The following CHSY3 variants were observed in gnomAD, a reference collection of about 807,000 sequenced individuals.
The protein encoded by CHSY3 is chondroitin sulfate synthase 3.
Under a neutral mutation model 67.2 loss-of-function variants are expected in CHSY3, and 35 were observed. The observed-to-expected ratio is 0.52, with a 90% CI of 0.40 to 0.69. The LOEUF (loss-of-function observed/expected upper bound fraction) is 0.69, where lower values mean the gene tolerates loss of function less well. Among genes scored for constraint, CHSY3 ranks in the 30% least tolerant of loss-of-function variants. The pLI, the probability that CHSY3 is intolerant of heterozygous loss-of-function variation, is 0.00. For missense variants in CHSY3, 1,069 were observed against 1,138.5 expected (o/e 0.94, Z 0.88); for synonymous variants, 474 against 434.7 (o/e 1.09, Z -1.12).
chr5:129,993,451 T>C (rs1179580877), intron 2 of CHSY3, among the ~76,000 whole-genome samples: 1 of 152,188 alleles, frequency 6.6e-6, no homozygotes, highest in Non-Finnish European at 1.5e-5. Flanking sequence ...TTGATCCCTT[T>C]ACCATTATGT....
chr5:129,953,903 C>A (rs1357802295), intron 2 of CHSY3, among the ~76,000 whole-genome samples: 1 of 152,046 alleles, frequency 6.6e-6, no homozygotes, highest in Non-Finnish European at 1.5e-5. Flanking sequence ...GAATAGATTG[C>A]AAAAATGTTC....
intron 2 of CHSY3, among the ~76,000 whole-genome samples, chr5:129,933,675 A>C (rs1426920266): frequency 6.6e-6 from 1 of 152,180 alleles, no homozygotes; most frequent in African/African-American, 2.4e-5. Context: ...CAAAACTTCC[A>C]AAAATAGTTG....
chr5:130,185,198 A>T lies in CHSY3; in HGVS notation c.2056A>T (p.Met686Leu), dbSNP rs755648764. The change falls in exon 3 of 3, where the codon ATG (methionine) becomes TTG (leucine). Residue 686 changes from methionine (M) to leucine (L), a missense_variant. Physicochemically the swap from Met to Leu is conservative, Grantham distance 15. Around this residue, in one of 5 missense-constraint regions of CHSY3, gnomAD observed 401 missense variants for 395.2 expected, o/e 1.01. Coordinates refer to ENST00000305031, the MANE Select transcript of CHSY3 (RefSeq NM_175856.5). ...GYQNKYPKAE[M>L]TLIPMKGEFS... ...CCAGAACAAGTACCCCAAAGCAGAAATGACCCTGATCCCAATGAAGGGAGA... is the reference window on the plus strand; with the variant it reads ...CCAGAACAAGTACCCCAAAGCAGAATTGACCCTGATCCCAATGAAGGGAGA... 1 of 1,611,414 alleles carries T rather than the reference A, an allele frequency of 6.2e-7. No individual in the cohort carries two copies. The highest frequency in any genetic ancestry group is 1.1e-5 in the South Asian group (1 of 91,014).
chr5:129,942,137 A>G (rs1188942012), intron 2 of CHSY3, among the ~76,000 whole-genome samples: 1 of 152,140 alleles, frequency 6.6e-6, no homozygotes, highest in East Asian at 1.9e-4. Context: ...GTGGGGAAAG[A>G]TTAGAGTCTT....
At chr5:129,981,904 A>G (rs1762995532) in intron 2 of CHSY3, among the ~76,000 whole-genome samples, 1 of 152,194 alleles carries the variant, frequency 6.6e-6, no homozygotes, top group Non-Finnish European at 1.5e-5. Flanking sequence ...AATTTTTATC[A>G]TGAATGAGTG....
intron 2 of CHSY3, among the ~76,000 whole-genome samples, chr5:130,103,145 G>T (rs983954461): frequency 2.0e-5 from 3 of 151,930 alleles, no homozygotes; most frequent in African/African-American, 7.2e-5. Flanking sequence ...GACTCCTACT[G>T]GGAACAAGCC....
intron 2 of CHSY3, among the ~76,000 whole-genome samples, chr5:130,068,837 A>G (rs1765968539): frequency 6.6e-6 from 1 of 152,136 alleles, no homozygotes; most frequent in Middle Eastern, 3.2e-3. Flanking sequence ...AGGTAGTTCA[A>G]TAACCACTAG....
chr5:130,118,893 A>AT (rs1767913182), intron 2 of CHSY3, among the ~76,000 whole-genome samples: 1 of 152,088 alleles, frequency 6.6e-6, no homozygotes, highest in Admixed American at 6.6e-5. Flanking sequence ...TCACATACTG[A>AT]TAGGAGGAAG....
chr5:130,099,944 C>A (rs1767174106), intron 2 of CHSY3, among the ~76,000 whole-genome samples: 1 of 152,044 alleles, frequency 6.6e-6, no homozygotes, highest in African/African-American at 2.4e-5. Context: ...TGTCTCACCT[C>A]TGAGTCCCTG....
intron 2 of CHSY3, among the ~76,000 whole-genome samples, chr5:130,133,974 T>C (rs1580768079): frequency 1.3e-5 from 2 of 152,158 alleles, no homozygotes; most frequent in East Asian, 3.9e-4. Flanking sequence ...TAACAACAGT[T>C]ATTAAGTATT....
intron 2 of CHSY3, among the ~76,000 whole-genome samples, chr5:130,157,782 G>A (rs1011182737): frequency 1.3e-5 from 1 of 78,894 alleles, no homozygotes; most frequent in Admixed American, 1.3e-4. Flanking sequence ...TGCGCCACTG[G>A]TTGCCCATTT....
At chr5:130,121,592 ACTACT>A (rs1361386337) in intron 2 of CHSY3, among the ~76,000 whole-genome samples, 1 of 152,286 alleles carries the variant, frequency 6.6e-6, no homozygotes, top group African/African-American at 2.4e-5. Context: ...ATATTAAATA[ACTACT>A]CTATAATATT....
At chr5:130,146,793 T>C (rs1769088095) in intron 2 of CHSY3, among the ~76,000 whole-genome samples, 1 of 151,934 alleles carries the variant, frequency 6.6e-6, no homozygotes, top group Admixed American at 6.6e-5. Flanking sequence ...TGTTTTGTTT[T>C]GTTTTGTTTT....
At position 130,002,164 on chromosome 5, in the gene CHSY3, A is replaced by T. The variant is rs1763745026; in HGVS notation, c.1086+93804A>T. 1.3e-5 allele frequency: 8 copies of T among 603,262 alleles called. No homozygotes were observed. The South Asian group carries it at 5.8e-4, about 44-fold the overall frequency. 37.4% of individuals were successfully genotyped at this position (603,262 alleles called of 1,614,324 possible). ...AGAATCATTCAGGTTTCCACCTTGT[A>T]TGCCATAGGGCTCAGGACAAGTTCT... On this transcript the variant is annotated intron_variant, in intron 2 of 2. Transcript: ENST00000305031.
intron 2 of CHSY3, among the ~76,000 whole-genome samples, chr5:130,124,172 G>C (rs2149710281): frequency 6.6e-6 from 1 of 151,918 alleles, no homozygotes; most frequent in South Asian, 2.1e-4. Context: ...TTTTTGGATA[G>C]CTCTTAAGTG....
In CHSY3 at chr5:129,905,327, C is replaced by T. The variant is rs1049168134; in HGVS notation, c.498C>T (p.Ser166=). The T allele has an allele frequency of 1.6e-5, 24 of 1,528,558 alleles. No homozygotes were observed. The East Asian group carries it at 5.8e-4, about 37-fold the overall frequency. The allele number at this position is 1,528,558 out of a possible 1,614,324, so 94.7% of individuals were successfully genotyped here. A position where few individuals can be genotyped will look rare whatever the true frequency, so the allele number is the denominator to read the frequency against. The part of the protein sequence containing the change: ...GSGDGGAAAP[S]ARPRDFLYVG... ...GGGACGGGGGCGCTGCCGCCCCGAG[C>T]GCCCGACCCCGGGACTTCCTGTACG... Residue 166 remains serine, a synonymous_variant, in exon 1 of 3, where the codon AGC becomes AGT. Transcript: ENST00000305031.
intron 2 of CHSY3, among the ~76,000 whole-genome samples, chr5:130,087,111 A>G (rs909018312): frequency 1.3e-5 from 2 of 152,110 alleles, no homozygotes; most frequent in African/African-American, 4.8e-5. Context: ...AACCAAAGAC[A>G]AAAACCACAT....
intron 2 of CHSY3, among the ~76,000 whole-genome samples, chr5:129,941,363 C>T (rs1761693400): frequency 6.6e-6 from 1 of 152,088 alleles, no homozygotes; most frequent in African/African-American, 2.4e-5. Flanking sequence ...ATATCAAAAT[C>T]ATAGACTCTT....
At chr5:129,947,871 A>C (rs1435959596) in intron 2 of CHSY3, among the ~76,000 whole-genome samples, 1 of 152,170 alleles carries the variant, frequency 6.6e-6, no homozygotes, top group African/African-American at 2.4e-5. Flanking sequence ...AGTGATGTTG[A>C]ACACCTTTTA....
Sources: gnomAD v4.1 joint callset for allele counts (sites outside exome capture counted in the v4.1 genomes callset) on GRCh38, gnomAD v4.1.1 for gene constraint, gnomAD v4.1.1 regional missense constraint, MANE v1.5 for transcripts, NCBI Gene and HGNC (gene_info 2026-07-23, HGNC 2026-07-21) for gene names.